The following C19orf12 variants were observed in gnomAD, a reference collection of about 807,000 sequenced individuals.
C19orf12 encodes protein C19orf12.
A neutral mutation model predicts 3.8 loss-of-function variants in C19orf12; 2 were observed. The observed-to-expected ratio is 0.53, with a 90% confidence interval of 0.22 to 1.66. C19orf12 has a LOEUF of 1.66. C19orf12 is among the 40% of genes most tolerant of loss of function. The pLI is 0.20. For synonymous variants in C19orf12, 89 were observed against 84.6 expected (o/e 1.05, Z -0.28); for missense variants, 156 against 188.8 (o/e 0.83, Z 1.02).
rs35973369 is a variant in C19orf12, at chr19:29,699,615, A to AC, written c.*3096_*3097insG. ...AAATTTGTAGTTTTTATTTCATTATATTTTCTGGGTTTTTCTAGGTTTTCA... is the reference window on the plus strand; with the variant it reads ...AAATTTGTAGTTTTTATTTCATTATACTTTTCTGGGTTTTTCTAGGTTTTCA... On this transcript the variant is annotated 3_prime_UTR_variant, in exon 3 of 3. Coordinates refer to ENST00000323670, the MANE Select transcript of C19orf12 (RefSeq NM_031448.6). 327,642 of 453,824 alleles carry AC rather than the reference A, an allele frequency of 0.72. 121,114 individuals are homozygous for AC. Among genetic ancestry groups the AC allele is most frequent in the African/African-American group, 0.86 (43,228 of 50,068 alleles). The allele number at this position is 453,824 out of a possible 1,614,324, so 28.1% of individuals were successfully genotyped here. A position where few individuals can be genotyped will look rare whatever the true frequency, so the allele number is the denominator to read the frequency against.
rs778355384 is a variant in C19orf12, at chr19:29,702,737, C to T, written c.401G>A (p.Arg134Gln). Reference protein sequence around the residue: ...MLVNYVTKELRAEIQYDD With the variant: ...MLVNYVTKELQAEIQYDD The stretch of plus-strand genomic sequence containing the variant: ...CTAGTCATCATACTGGATCTCGGCC[C>T]GCAGCTCCTTGGTGACGTAGTTCAC... The change falls in exon 3 of 3, where the codon CGG becomes CAG. Residue 134 changes from arginine to glutamine, a missense_variant. Coordinates refer to ENST00000323670, the MANE Select transcript of C19orf12 (RefSeq NM_031448.6). 10 of 1,613,750 alleles carry T rather than the reference C, an allele frequency of 6.2e-6. No individual in the cohort carries two copies. The highest frequency in any genetic ancestry group is 5.0e-5 in the Admixed American group (3 of 60,000).
At chr19:29,703,537 C>T (rs1972227524) in intron 2 of C19orf12, among the ~76,000 whole-genome samples, 1 of 151,894 alleles carries the variant, frequency 6.6e-6, no homozygotes, top group Admixed American at 6.6e-5. Context: ...CACACCACCA[C>T]ACCTGGCTAA....
At position 29,702,906 on chromosome 19, in the gene C19orf12, T is replaced by C; in HGVS notation, c.232A>G (p.Met78Val). ...GQFKPVPQIL[M>V]ELPPAEQQRL... ...TGTTGCTCGGCAGGGGGCAGCTCCA[T>C]TAGGATCTGAGGAACCGGCTTAAAC... The change falls in exon 3 of 3, where the codon ATG (methionine) becomes GTG (valine). Residue 78 changes from methionine (M) to valine (V), a missense_variant. Met to Val is a conservative substitution (Grantham distance 21). Transcript: ENST00000323670. 6.2e-7 allele frequency: 1 copy of C among 1,614,128 alleles called. No individual in the cohort carries two copies. The highest frequency in any genetic ancestry group is 8.5e-7 in the Non-Finnish European group (1 of 1,180,026).
At chr19:29,711,492 T>C (rs1309445391) in intron 1 of C19orf12, among the ~76,000 whole-genome samples, 1 of 152,202 alleles carries the variant, frequency 6.6e-6, no homozygotes, top group African/African-American at 2.4e-5. Context: ...CTGTCAATTA[T>C]ATTGGAAAAA....
chr19:29,705,925 G>A (rs559941191), intron 2 of C19orf12, among the ~76,000 whole-genome samples: 1 of 152,284 alleles, frequency 6.6e-6, no homozygotes, highest in South Asian at 2.1e-4. Context: ...CGACTTCTCT[G>A]TAAACCTAAT....
At position 29,700,916 on chromosome 19, in the gene C19orf12, G is replaced by C; in HGVS notation, c.*1796C>G. ...TCCCTGCCCTGCCCCAGGACCTGGG[G>C]ACCAAGGAATAACATTTTTTGTAGA... On this transcript the variant is annotated 3_prime_UTR_variant, in exon 3 of 3. Transcript: ENST00000323670. 1 of 454,084 alleles carries C rather than the reference G, an allele frequency of 2.2e-6. No homozygotes were observed. The highest frequency in any genetic ancestry group is 4.4e-6 in the Non-Finnish European group (1 of 226,752). 28.1% of individuals were successfully genotyped at this position (454,084 alleles called of 1,614,324 possible). A position where few individuals can be genotyped will look rare whatever the true frequency, so the allele number is the denominator to read the frequency against.
intron 1 of C19orf12, among the ~76,000 whole-genome samples, chr19:29,711,778 A>C (rs913344583): frequency 4.6e-5 from 7 of 151,862 alleles, no homozygotes; most frequent in Non-Finnish European, 8.9e-5. Context: ...TTCCCCCCCC[A>C]AAAAAAACCT....
chr19:29,702,006 A>G lies in C19orf12; in HGVS notation c.*706T>C, dbSNP rs1011660075. 4.4e-6 allele frequency: 2 copies of G among 453,022 alleles called. No homozygotes were observed. Among genetic ancestry groups the G allele is most frequent in the African/African-American group, 4.0e-5 (2 of 49,970 alleles). 28.1% of individuals were successfully genotyped at this position (453,022 alleles called of 1,614,324 possible). ...TCTCCGAGATATACCTGTACTTTTT[A>G]CTAAAAATATTTCATTTGAGAAGTA... is the stretch of plus-strand genomic sequence containing the variant. On this transcript the variant is annotated 3_prime_UTR_variant, in exon 3 of 3. Coordinates refer to ENST00000323670, the MANE Select transcript of C19orf12 (RefSeq NM_031448.6).
At chr19:29,711,222 T>C (rs1004441998) in intron 1 of C19orf12, among the ~76,000 whole-genome samples, 4 of 151,956 alleles carry the variant, frequency 2.6e-5, no homozygotes, top group African/African-American at 9.7e-5. Flanking sequence ...GTATTTTTAG[T>C]AGAGATGGGG....
chr19:29,708,525 T>C, intron 1 of C19orf12, 102 bp from the exon 2 acceptor site: 2 of 1,468,378 alleles, frequency 1.4e-6, no homozygotes, highest in East Asian at 4.6e-5. Context: ...GTCCCCCTTT[T>C]CAGGAAAGCT....
Position 29,708,297 on chromosome 19 carries a change from G to T in C19orf12, c.117C>A (p.Ala39=). 1 of 1,613,730 alleles carries T rather than the reference G, an allele frequency of 6.2e-7. No individual in the cohort carries two copies. ...GKGALVTGAM[A]FVGGLVGGPP... ...GGCCGCCCACCAAACCCCCGACGAA[G>T]GCCATGGCCCCTGTGACCAGGGCAC... The change falls in exon 2 of 3, where the codon GCC becomes GCA. Residue 39 remains alanine (A), a synonymous_variant. Transcript: ENST00000323670.
rs962923407 is a variant in C19orf12 at position 29,708,393 on chromosome 19, G to A, written c.21C>T (p.Asp7=). The A allele has an allele frequency of 2.5e-6, 4 of 1,614,036 alleles. No individual in the cohort carries two copies. The highest frequency in any genetic ancestry group is 3.4e-6 in the Non-Finnish European group (4 of 1,180,034). MTIMVE[D]IMKLLCSLSG... ...AAAGGGAGCACAGCAGCTTCATGAT[G>A]TCCTCCACCATGATAGTCATCGTGG... The change falls in exon 2 of 3, where the codon GAC becomes GAT. Residue 7 remains aspartate, a synonymous_variant. Transcript: ENST00000323670.
chr19:29,711,134 C>T (rs951680183), intron 1 of C19orf12, among the ~76,000 whole-genome samples: 7 of 151,008 alleles, frequency 4.6e-5, no homozygotes, highest in Admixed American at 3.3e-4. Context: ...CCGCCTCCCA[C>T]GTTCAAGCGA....
At chr19:29,713,526 T>C (rs990524974) in intron 1 of C19orf12, among the ~76,000 whole-genome samples, 1 of 147,052 alleles carries the variant, frequency 6.8e-6, no homozygotes, top group Non-Finnish European at 1.5e-5. Context: ...CTATCTGACC[T>C]CCAAGTACCC....
intron 2 of C19orf12, among the ~76,000 whole-genome samples, chr19:29,704,437 C>G (rs1488379473): frequency 6.6e-6 from 1 of 152,212 alleles, no homozygotes; most frequent in Admixed American, 6.5e-5. Flanking sequence ...GCACTCCAGC[C>G]TGGGCGACAG....
chr19:29,712,855 G>A (rs1431707195), intron 1 of C19orf12, among the ~76,000 whole-genome samples: 1 of 152,222 alleles, frequency 6.6e-6, no homozygotes, highest in Admixed American at 6.5e-5. Context: ...CAATGAGGCA[G>A]GTTTCACTGA....
intron 1 of C19orf12, among the ~76,000 whole-genome samples, chr19:29,711,036 GTTTTTT>G (rs781530564): frequency 1.0e-5 from 1 of 98,282 alleles, no homozygotes; most frequent in Admixed American, 1.3e-4. Flanking sequence ...ATACAGAGAG[GTTTTTT>G]TTTTTTTTTT....
At chr19:29,711,795 C>T (rs915490490) in intron 1 of C19orf12, among the ~76,000 whole-genome samples, 2 of 152,156 alleles carry the variant, frequency 1.3e-5, no homozygotes, top group Non-Finnish European at 1.5e-5. Context: ...ACCTAGCTTC[C>T]GACCTGCTCC....
At chr19:29,715,364 C>T (rs996696226), upstream of C19orf12, 16 of 392,634 alleles carry the variant, frequency 4.1e-5, 1 homozygote, top group African/African-American at 2.2e-4. Context: ...TAGGGGGAGC[C>T]GGGGGTCGCT....
Sources: gnomAD v4.1 joint callset for allele counts (sites outside exome capture counted in the v4.1 genomes callset) on GRCh38, gnomAD v4.1.1 for gene constraint, MANE v1.5 for transcripts, NCBI Gene and HGNC (gene_info 2026-07-23, HGNC 2026-07-21) for gene names.